Variants in C19orf38 observed in about 807,000 individuals in gnomAD.
C19orf38 encodes protein HIDE1.
A neutral mutation model predicts 26.6 loss-of-function variants in C19orf38; 14 were observed. The observed-to-expected ratio is 0.53, with a 90% CI of 0.35 to 0.82. C19orf38 has a LOEUF of 0.82. Ranked by LOEUF, C19orf38 falls within the 40% of genes least tolerant of loss-of-function variation. The pLI is 0.01. For synonymous variants in C19orf38, 132 were observed against 128.5 expected (o/e 1.03, Z -0.18); for missense variants, 261 against 299.5 (o/e 0.87, Z 0.95).
rs1160322436 is a variant in C19orf38 at position 10,869,360 on chromosome 19, G to A, written c.686G>A (p.Cys229Tyr). The A allele has an allele frequency of 1.8e-5, 28 of 1,549,762 alleles. No homozygotes were observed. Among genetic ancestry groups the A allele is most frequent in the Non-Finnish European group, 2.4e-5 (27 of 1,146,258 alleles). Reference protein sequence around the residue: ...ETPEFSTFRACQ With the variant: ...ETPEFSTFRAYQ Reference sequence around the variant, plus strand: ...CCCGAATTCAGCACTTTCCGGGCCTGCCAGTGAGGCTGAGGACTGGGGGAC... The same window carrying A: ...CCCGAATTCAGCACTTTCCGGGCCTACCAGTGAGGCTGAGGACTGGGGGAC... The change falls in exon 7 of 7, where the codon TGC (cysteine) becomes TAC (tyrosine). Residue 229 changes from cysteine to tyrosine, a missense_variant. Transcript: ENST00000397820.
rs1215628613 is a variant in C19orf38 at position 10,857,339 on chromosome 19, CATATATAT to C, written c.434-956_434-949del. The stretch of plus-strand genomic sequence containing the variant: ...ATATACATACACACACACACACATA[CATATATAT>C]ATATATATATATATATATATTTTTT... On this transcript the variant is annotated intron_variant, in intron 3 of 6. Transcript: ENST00000397820. Among the ~76,000 whole-genome samples the C allele has an allele frequency of 3.7e-4, 20 of 54,014 alleles. 1 individual carries two copies. The highest frequency in any genetic ancestry group is 1.3e-3 in the East Asian group (2 of 1,550). The allele number at this position is 54,014 out of a possible 152,430, so 35.4% of individuals were successfully genotyped here. A position where few individuals can be genotyped will look rare whatever the true frequency, so the allele number is the denominator to read the frequency against.
chr19:10,863,464 G>A (rs953065133), intron 6 of C19orf38, among the ~76,000 whole-genome samples: 6 of 152,132 alleles, frequency 3.9e-5, no homozygotes, highest in Non-Finnish European at 7.3e-5. Flanking sequence ...GCCCCTTGGT[G>A]GTATGTCCTG....
At chr19:10,860,198 C>T in intron 5 of C19orf38, 1 of 495,728 alleles carries the variant, frequency 2.0e-6, no homozygotes, top group Non-Finnish European at 3.7e-6. Context: ...CTGCTACTTA[C>T]AGGACCCCAG....
intron 6 of C19orf38, among the ~76,000 whole-genome samples, chr19:10,868,596 C>G (rs983694257): frequency 1.1e-4 from 16 of 152,332 alleles, no homozygotes; most frequent in African/African-American, 3.1e-4. Context: ...TCACTGCAAC[C>G]TTCACCTCCT....
intron 1 of C19orf38, among the ~76,000 whole-genome samples, chr19:10,838,698 T>A (rs1444500430): frequency 1.1e-4 from 17 of 151,694 alleles, no homozygotes; most frequent in Non-Finnish European, 2.2e-4. Context: ...CAGAGAGGAG[T>A]CCCAGAAAAA....
chr19:10,858,237 A>AAC (rs1757920092), intron 3 of C19orf38, 79 bp from the exon 4 acceptor site: 2 of 1,172,174 alleles, frequency 1.7e-6, no homozygotes, highest in Non-Finnish European at 2.3e-6. Context: ...AAAAAAAAAA[A>AAC]AAAAAAAAAA....
chr19:10,867,589 C>T (rs2073764302), intron 6 of C19orf38, among the ~76,000 whole-genome samples: 1 of 149,680 alleles, frequency 6.7e-6, no homozygotes, highest in African/African-American at 2.5e-5. Context: ...TGCATTCCAG[C>T]CTGGGCAACA....
At chr19:10,856,220 G>A in intron 2 of C19orf38, 45 bp from the exon 3 acceptor site, 1 of 1,473,424 alleles carries the variant, frequency 6.8e-7, no homozygotes, top group East Asian at 2.5e-5. Flanking sequence ...GTAACCTGGA[G>A]AGACGACACT....
chr19:10,863,263 C>G, intron 6 of C19orf38, 56 bp downstream of exon 6: 5 of 1,526,410 alleles, frequency 3.3e-6, no homozygotes, highest in Non-Finnish European at 4.4e-6. Context: ...ACCGGGAGAA[C>G]GGGGCGGGCT....
chr19:10,854,355 C>T (rs1278690035), intron 2 of C19orf38, among the ~76,000 whole-genome samples: 5 of 152,084 alleles, frequency 3.3e-5, no homozygotes, highest in South Asian at 2.1e-4. Context: ...TGAGCCACCG[C>T]GCCTGGCCCA....
intron 3 of C19orf38, among the ~76,000 whole-genome samples, chr19:10,857,367 T>TATATA (rs1491341895): frequency 2.3e-3 from 101 of 43,302 alleles, no homozygotes; most frequent in East Asian, 3.7e-3. Flanking sequence ...TATATATATA[T>TATATA]TTTTTTTTTT....
chr19:10,865,307 C>T (rs1464436332), intron 6 of C19orf38, among the ~76,000 whole-genome samples: 14 of 152,202 alleles, frequency 9.2e-5, no homozygotes, highest in South Asian at 2.1e-4. Context: ...CCATCGCGCC[C>T]GGCTAATTTT....
Position 10,859,915 on chromosome 19 carries a change from A to G in C19orf38, c.462A>G (p.Arg154=), listed in dbSNP as rs922250929. Residue 154 remains arginine (R), a splice_region_variant and synonymous_variant, in exon 5 of 7, where the codon AGA becomes AGG. Coordinates refer to ENST00000397820, the MANE Select transcript of C19orf38 (RefSeq NM_001136482.3). ...CACTTTCTCCTGAATTCCTTTGCAG[A>G]GATCGAGAATCCTGCTGGGCCCAGA... ...KVKLRNLQKK[R]DRESCWAQIN... The G allele has an allele frequency of 3.5e-5, 54 of 1,551,742 alleles. No homozygotes were observed. Among genetic ancestry groups the G allele is most frequent in the Non-Finnish European group, 4.6e-5 (53 of 1,146,926 alleles).
chr19:10,843,801 G>A (rs574976268), upstream of C19orf38, among the ~76,000 whole-genome samples: 4 of 152,298 alleles, frequency 2.6e-5, no homozygotes, highest in East Asian at 1.9e-4. Context: ...CTTGTGCTCC[G>A]AGAGGAGGAG....
In C19orf38 at chr19:10,850,559, C is replaced by A. The variant is rs770857777; in HGVS notation, c.332C>A (p.Ser111Tyr). The change falls in exon 2 of 7, where the codon TCC becomes TAC. Residue 111 changes from serine to tyrosine, a missense_variant. Ser to Tyr is a moderately radical substitution (Grantham distance 144). Transcript: ENST00000397820. Reference sequence around the variant, plus strand: ...GACCTCAGCGAGCCCGTGAACGTCTCCTTCCCAGGTAAGGCCCTTCTATGG... The same window carrying A: ...GACCTCAGCGAGCCCGTGAACGTCTACTTCCCAGGTAAGGCCCTTCTATGG... ...LSDLSEPVNV[S>Y]FPVPTWILVL... 1 of 1,551,554 alleles carries A rather than the reference C, an allele frequency of 6.4e-7. No homozygotes were observed. The highest frequency in any genetic ancestry group is 2.0e-5 in the Admixed American group (1 of 50,986).
chr19:10,838,883 G>A (rs1295661640), intron 1 of C19orf38, among the ~76,000 whole-genome samples: 2 of 151,908 alleles, frequency 1.3e-5, no homozygotes, highest in Non-Finnish European at 2.9e-5. Flanking sequence ...CTCTACCTGA[G>A]CTGTGCCACA....
At chr19:10,854,041 A>C (rs866067593) in intron 2 of C19orf38, among the ~76,000 whole-genome samples, 44 of 150,116 alleles carry the variant, frequency 2.9e-4, no homozygotes, top group African/African-American at 9.8e-4. Flanking sequence ...TGACAGAGGG[A>C]GACCCTGTCT....
At chr19:10,858,833 A>G (rs917305516) in intron 4 of C19orf38, among the ~76,000 whole-genome samples, 11 of 151,944 alleles carry the variant, frequency 7.2e-5, no homozygotes, top group Admixed American at 1.3e-4. Flanking sequence ...CTCTCCTCCG[A>G]GAGTGGGGAG....
At chr19:10,848,650 C>A in intron 1 of C19orf38, 111 bp downstream of exon 1, 1 of 1,036,756 alleles carries the variant, frequency 9.6e-7, no homozygotes, top group Non-Finnish European at 1.4e-6. Context: ...CTCAGGGCAT[C>A]GAGGAGGCTG....
Sources: allele counts gnomAD v4.1 joint callset (sites outside exome capture counted in the v4.1 genomes callset), GRCh38; gene constraint gnomAD v4.1.1; transcripts MANE v1.5; gene names NCBI Gene and HGNC (gene_info 2026-07-23, HGNC 2026-07-21).